CCDC88C: variants seen among roughly 807,000 people sequenced by gnomAD.
CCDC88C encodes the protein coiled-coil and HOOK domain protein 88C, also known as protein Daple.
A neutral mutation model predicts 198.8 loss-of-function variants in CCDC88C; 131 were observed. The observed-to-expected ratio is 0.66, with a 90% CI of 0.57 to 0.76. CCDC88C has a LOEUF of 0.76. CCDC88C is among the 30% of genes least tolerant of loss of function. The pLI is 0.00. For missense variants in CCDC88C, 2,553 were observed against 2,631.6 expected (o/e 0.97, Z 0.65); for synonymous variants, 1,166 against 1,114.7 (o/e 1.05, Z -0.92).
At position 91,408,785 on chromosome 14, in the gene CCDC88C, A is replaced by T. The variant is rs1276169378; in HGVS notation, c.162-18T>A. ...TGGGATCTCTAGGGGAAGAAACACG[A>T]GAATGGAAATTGCATCTCCCAGCAG... On this transcript the variant is annotated intron_variant, in intron 2 of 29. Coordinates refer to ENST00000389857, the MANE Select transcript of CCDC88C (RefSeq NM_001080414.4). 1 of 1,560,478 alleles carries T rather than the reference A, an allele frequency of 6.4e-7. No homozygotes were observed. The highest frequency in any genetic ancestry group is 8.8e-7 in the Non-Finnish European group (1 of 1,131,784).
chr14:91,346,607 C>T (rs1482589590), intron 4 of CCDC88C, among the ~76,000 whole-genome samples: 2 of 151,960 alleles, frequency 1.3e-5, no homozygotes, highest in East Asian at 3.9e-4. Flanking sequence ...ATTTTAGTTT[C>T]GATAAAGAGA....
chr14:91,283,558 C>G, intron 25 of CCDC88C, 41 bp from the exon 26 acceptor site: 1 of 1,564,060 alleles, frequency 6.4e-7, no homozygotes, highest in Non-Finnish European at 8.7e-7. Flanking sequence ...GCTGCCAAGT[C>G]CTGTACCCAG....
chr14:91,408,267 C>T (rs898862795), intron 3 of CCDC88C: 1 of 206,734 alleles, frequency 4.8e-6, no homozygotes, highest in Non-Finnish European at 9.9e-6. Flanking sequence ...TCTCCCTCAA[C>T]CCTTGAATGG....
chr14:91,410,740 AG>A (rs1197456707), intron 2 of CCDC88C, among the ~76,000 whole-genome samples: 1 of 152,246 alleles, frequency 6.6e-6, no homozygotes, highest in Non-Finnish European at 1.5e-5. Flanking sequence ...TCAATTTCAC[AG>A]TGACAAATGC....
intron 13 of CCDC88C, among the ~76,000 whole-genome samples, chr14:91,317,026 G>A (rs1408769439): frequency 2.0e-5 from 3 of 152,218 alleles, no homozygotes; most frequent in Non-Finnish European, 2.9e-5. Flanking sequence ...CCCCCAGGCT[G>A]CATGTCTTCA....
chr14:91,397,742 G>A (rs920628134), intron 3 of CCDC88C, among the ~76,000 whole-genome samples: 2 of 152,184 alleles, frequency 1.3e-5, no homozygotes, highest in East Asian at 1.9e-4. Context: ...GTGTGAAGCC[G>A]GGTTATCACG....
chr14:91,321,306 T>C lies in CCDC88C; in HGVS notation c.1343-2A>G. On this transcript the variant is annotated splice_acceptor_variant, in intron 12 of 29. Transcript: ENST00000389857. LOFTEE classifies it high-confidence loss of function. ...CAAACACAAACGACTTCCTGGAGGC[T>C]GAAGACAAAGTCCAGTCAGAGCCCA... 6.4e-7 allele frequency: 1 copy of C among 1,552,248 alleles called. No homozygotes were observed. Among genetic ancestry groups the C allele is most frequent in the Non-Finnish European group, 8.7e-7 (1 of 1,147,640 alleles).
chr14:91,349,232 T>G (rs914756362), intron 4 of CCDC88C, among the ~76,000 whole-genome samples: 1 of 152,150 alleles, frequency 6.6e-6, no homozygotes, highest in Non-Finnish European at 1.5e-5. Flanking sequence ...ATAAATGCTA[T>G]GGGAACCCGG....
At chr14:91,364,081 G>A (rs145885653) in intron 3 of CCDC88C, among the ~76,000 whole-genome samples, 103 of 152,392 alleles carry the variant, frequency 6.8e-4, no homozygotes, top group African/African-American at 2.1e-3. Context: ...TGCCACTCTA[G>A]TCTTTGCAAT....
At chr14:91,278,593 A>T (rs1890065516) in intron 28 of CCDC88C, among the ~76,000 whole-genome samples, 1 of 152,150 alleles carries the variant, frequency 6.6e-6, no homozygotes, top group Non-Finnish European at 1.5e-5. Flanking sequence ...CACAAACCAT[A>T]CATGTTCCGA....
chr14:91,283,119 G>C (rs1890265284), intron 26 of CCDC88C, among the ~76,000 whole-genome samples: 1 of 152,186 alleles, frequency 6.6e-6, no homozygotes, highest in South Asian at 2.1e-4. Context: ...CCCCATTGCA[G>C]TTGGGCCTCT....
At position 91,340,063 on chromosome 14, in the gene CCDC88C, A is replaced by G. The variant is rs776415734; in HGVS notation, c.484-39T>C. ...TGGCAGGGCACTGCAGGGGCGGCAGAGACGGGCGCCCACTTCCCTCACACT... is the reference window on the plus strand; with the variant it reads ...TGGCAGGGCACTGCAGGGGCGGCAGGGACGGGCGCCCACTTCCCTCACACT... On this transcript the variant is annotated intron_variant, in intron 6 of 29. Coordinates refer to ENST00000389857, the MANE Select transcript of CCDC88C (RefSeq NM_001080414.4). 16 of 1,600,306 alleles carry G rather than the reference A, an allele frequency of 1.0e-5. No individual in the cohort carries two copies. In the Admixed American group the frequency reaches 2.7e-4, roughly 27 times the overall value.
At chr14:91,376,093 C>T (rs1029079359) in intron 3 of CCDC88C, among the ~76,000 whole-genome samples, 5 of 152,144 alleles carry the variant, frequency 3.3e-5, no homozygotes, top group African/African-American at 4.8e-5. Flanking sequence ...AGCTGGCAGG[C>T]GCAGAGGACC....
At chr14:91,407,418 G>A (rs1886558457) in intron 3 of CCDC88C, among the ~76,000 whole-genome samples, 1 of 152,210 alleles carries the variant, frequency 6.6e-6, no homozygotes, top group Non-Finnish European at 1.5e-5. Flanking sequence ...CTAAGTTACA[G>A]CCCAGGAAGC....
intron 3 of CCDC88C, among the ~76,000 whole-genome samples, chr14:91,405,224 C>T (rs1321536087): frequency 1.3e-5 from 2 of 152,142 alleles, no homozygotes; most frequent in African/African-American, 4.8e-5. Flanking sequence ...AAGGCCTGGC[C>T]TTCCAGACTG....
Position 91,340,031 on chromosome 14 carries a change from G to T in CCDC88C, c.484-7C>A, listed in dbSNP as rs1291913998. On this transcript the variant is annotated splice_region_variant and splice_polypyrimidine_tract_variant and intron_variant, in intron 6 of 29. Transcript: ENST00000389857. ...TCTCTTGGTTGTGAGTCACCTGTGG[G>T]CACACATGGCAGGGCACTGCAGGGG... 4.4e-6 allele frequency: 7 copies of T among 1,608,778 alleles called. No individual in the cohort carries two copies. In the East Asian group the frequency reaches 1.6e-4, roughly 36 times the overall value.
In CCDC88C at chr14:91,416,784, T is replaced by C. The variant is rs886991581; in HGVS notation, c.115A>G (p.Met39Val). Residue 39 changes from methionine to valine, a missense_variant, in exon 2 of 30, where the codon ATG becomes GTG. Transcript: ENST00000389857. Reference sequence around the variant, plus strand: ...AAAAAGATGCCGTCCACTAAATCCATGTACATAGTCAGGTTGTCCTGGCTG... The same window carrying C: ...AAAAAGATGCCGTCCACTAAATCCACGTACATAGTCAGGTTGTCCTGGCTG... ...SGSQDNLTMY[M>V]DLVDGIFLNQ... 2 of 1,613,698 alleles carry C rather than the reference T, an allele frequency of 1.2e-6. No individual in the cohort carries two copies. Among genetic ancestry groups the C allele is most frequent in the Non-Finnish European group, 8.5e-7 (1 of 1,179,810 alleles).
intron 3 of CCDC88C, 97 bp downstream of exon 3, chr14:91,408,562 T>G: frequency 1.3e-6 from 1 of 776,132 alleles, no homozygotes; most frequent in Non-Finnish European, 2.3e-6. Flanking sequence ...GGCCTAAACA[T>G]AAGCACCGTT....
chr14:91,281,524 G>C lies in CCDC88C; in HGVS notation c.4632C>G (p.Gly1544=). The change falls in exon 27 of 30, where the codon GGC becomes GGG. Residue 1544 remains glycine (G), a splice_region_variant and synonymous_variant. Transcript: ENST00000389857. ...CACAGAGGTTGTCATCTGAGTTATA[G>C]CCTAAGGTGAAAATAAGGCTAGTGA... ...PIARHPGRTK[G]YNSDDNLCEP... is the part of the protein sequence containing the mutation. 4 of 1,613,800 alleles carry C rather than the reference G, an allele frequency of 2.5e-6. No individual in the cohort carries two copies. Among genetic ancestry groups the C allele is most frequent in the Non-Finnish European group, 3.4e-6 (4 of 1,179,738 alleles).
Sources: allele counts gnomAD v4.1 joint callset (sites outside exome capture counted in the v4.1 genomes callset), GRCh38; gene constraint gnomAD v4.1.1; transcripts MANE v1.5; gene names NCBI Gene and HGNC (gene_info 2026-07-23, HGNC 2026-07-21).